The following BCAS4 variants were observed in gnomAD, a reference collection of about 807,000 sequenced individuals.
BCAS4 encodes the protein breast carcinoma amplified sequence 4.
BCAS4 carries 9 observed loss-of-function variants against 15.7 expected under a neutral mutation model. The ratio of observed to expected loss-of-function variants is 0.57; its 90% CI spans 0.34 to 1.00. The LOEUF is 1.00. Ranked by LOEUF, BCAS4 falls within the 50% of genes least tolerant of loss-of-function variation. BCAS4 has a pLI of 0.02. For synonymous variants in BCAS4, 101 were observed against 99.5 expected, an observed-to-expected ratio of 1.02 and a Z score of -0.09; for missense variants, 225 against 239.1, an observed-to-expected ratio of 0.94 and a Z score of 0.39.
chr20:50,799,758 A>T (rs1027960141), intron 1 of BCAS4, among the ~76,000 whole-genome samples: 1 of 152,196 alleles, frequency 6.6e-6, no homozygotes, highest in African/African-American at 2.4e-5. Context: ...ACTGCCAGAC[A>T]ATAAACACAT....
At chr20:50,861,683 T>C (rs1979077076) in intron 4 of BCAS4, among the ~76,000 whole-genome samples, 1 of 151,954 alleles carries the variant, frequency 6.6e-6, no homozygotes, top group Non-Finnish European at 1.5e-5. Context: ...CCAGCTCCCT[T>C]TCCCATCTCC....
chr20:50,829,591 G>A (rs548299946), intron 2 of BCAS4, among the ~76,000 whole-genome samples: 1 of 152,034 alleles, frequency 6.6e-6, no homozygotes, highest in Admixed American at 6.6e-5. Flanking sequence ...TTTGCACAGC[G>A]AGGATATGAT....
intron 1 of BCAS4, among the ~76,000 whole-genome samples, chr20:50,812,167 C>T (rs578194010): frequency 1.3e-5 from 2 of 152,094 alleles, no homozygotes; most frequent in Admixed American, 6.5e-5. Context: ...GAATCTCACT[C>T]TGTTGCCCAG....
intron 3 of BCAS4, among the ~76,000 whole-genome samples, chr20:50,838,865 C>G (rs1406565363): frequency 6.6e-6 from 1 of 151,882 alleles, no homozygotes; most frequent in Non-Finnish European, 1.5e-5. Flanking sequence ...AACAAACAAA[C>G]AAACACCCAC....
intron 1 of BCAS4, among the ~76,000 whole-genome samples, chr20:50,802,545 G>A (rs6020756): frequency 4.6e-5 from 7 of 152,310 alleles, no homozygotes; most frequent in African/African-American, 7.2e-5. Context: ...TCTCCCATCC[G>A]GCCCAGCTTC....
chr20:50,880,487 T>C, downstream of BCAS4: 1 of 152,188 alleles, frequency 6.6e-6, no homozygotes, highest in East Asian at 1.9e-4. Context: ...TGATCTGATC[T>C]TTCTCTTTTT....
chr20:50,825,674 C>T (rs964214207), intron 2 of BCAS4, among the ~76,000 whole-genome samples: 5 of 152,160 alleles, frequency 3.3e-5, no homozygotes, highest in Admixed American at 6.5e-5. Context: ...GTCAGGAGTT[C>T]AAGACCAGCC....
chr20:50,819,529 G>A (rs372334005), intron 2 of BCAS4, among the ~76,000 whole-genome samples: 10 of 152,126 alleles, frequency 6.6e-5, no homozygotes, highest in African/African-American at 2.2e-4. Flanking sequence ...TTCATTGAAC[G>A]CCTTTCTTTG....
intron 1 of BCAS4, among the ~76,000 whole-genome samples, chr20:50,816,993 T>C (rs2088147632): frequency 6.6e-6 from 1 of 151,676 alleles, no homozygotes. Flanking sequence ...TTAGTAGAGA[T>C]GGGGTCACCA....
In BCAS4 at chr20:50,823,907, A is replaced by G. The variant is rs546508942; in HGVS notation, c.162+5625A>G. On this transcript the variant is annotated intron_variant, in intron 2 of 4. Coordinates refer to ENST00000371608, the MANE Select transcript of BCAS4 (RefSeq NM_198799.4). ...TATGTGCGGATTCATCAAGCTGTCC[A>G]CTTACGAGCTGTGAACTTTCCTTTG... Among the ~76,000 whole-genome samples, 10 of 152,268 alleles carry G rather than the reference A, an allele frequency of 6.6e-5. No homozygotes were observed. The East Asian group carries it at 1.9e-3, about 29-fold the overall frequency.
intron 1 of BCAS4, among the ~76,000 whole-genome samples, chr20:50,812,500 G>A (rs547790618): frequency 2.7e-4 from 40 of 147,772 alleles, no homozygotes; most frequent in East Asian, 6.1e-4. Context: ...GCAGTGGAGC[G>A]ATCTTAGCTC....
At chr20:50,864,410 G>T (rs1979247576) in intron 4 of BCAS4, among the ~76,000 whole-genome samples, 1 of 150,512 alleles carries the variant, frequency 6.6e-6, no homozygotes, top group Non-Finnish European at 1.5e-5. Context: ...AGGGGGAGCT[G>T]CTATTGTCCT....
chr20:50,855,835 G>A (rs377599024), intron 4 of BCAS4, among the ~76,000 whole-genome samples: 2 of 152,376 alleles, frequency 1.3e-5, no homozygotes, highest in African/African-American at 4.8e-5. Flanking sequence ...AATAAATGGA[G>A]GACCTGGGTC....
intron 4 of BCAS4, among the ~76,000 whole-genome samples, chr20:50,850,374 T>C (rs1488306335): frequency 3.9e-5 from 6 of 152,192 alleles, no homozygotes; most frequent in African/African-American, 1.4e-4. Context: ...TTGACCTTGG[T>C]CAGCTGGTCA....
chr20:50,822,061 C>T (rs1359712836), intron 2 of BCAS4, among the ~76,000 whole-genome samples: 1 of 152,190 alleles, frequency 6.6e-6, no homozygotes, highest in Non-Finnish European at 1.5e-5. Context: ...TAGAGCAGGG[C>T]ACAGAGGACT....
chr20:50,853,717 TG>T (rs1191314653), intron 4 of BCAS4, among the ~76,000 whole-genome samples: 1 of 82,430 alleles, frequency 1.2e-5, no homozygotes. Context: ...TTTTGTGTAC[TG>T]GGGGGTGTTT....
downstream of BCAS4, chr20:50,881,730 AGCTCACT>A (rs1171738070): frequency 6.6e-6 from 1 of 151,124 alleles, no homozygotes; most frequent in East Asian, 1.9e-4. Context: ...GTGTGATCTC[AGCTCACT>A]GCAACCCCTG....
chr20:50,876,555 G>A lies in BCAS4; in HGVS notation c.469G>A (p.Val157Met), dbSNP rs549240825. The change falls in exon 5 of 5, where the codon GTG becomes ATG. Residue 157 changes from valine to methionine, a missense_variant. Coordinates refer to ENST00000371608, the MANE Select transcript of BCAS4 (RefSeq NM_198799.4). ...GTATAGGACGGAGGACTATTTTCCT[G>A]TGGACGCCGGGGAAGCACAGCACCA... ...TLYRTEDYFPVDAGEAQHHPR... is the reference protein window; with the variant it reads ...TLYRTEDYFPMDAGEAQHHPR... 3 of 1,614,104 alleles carry A rather than the reference G, an allele frequency of 1.9e-6. No homozygotes were observed. The highest frequency in any genetic ancestry group is 2.7e-5 in the African/African-American group (2 of 75,026).
intron 1 of BCAS4, among the ~76,000 whole-genome samples, chr20:50,808,572 G>A (rs1000725058): frequency 2.0e-5 from 3 of 152,108 alleles, no homozygotes; most frequent in Non-Finnish European, 4.4e-5. Flanking sequence ...AGGTGGTATC[G>A]CATTGTGGTT....
Sources: gnomAD v4.1 joint callset for allele counts (sites outside exome capture counted in the v4.1 genomes callset) on GRCh38, gnomAD v4.1.1 for gene constraint, MANE v1.5 for transcripts, NCBI Gene and HGNC (gene_info 2026-07-23, HGNC 2026-07-21) for gene names.